RIPOR2: variants seen among roughly 807,000 people sequenced by gnomAD.
RIPOR2 encodes the protein rho family-interacting cell polarization regulator 2.
RIPOR2 carries 39 observed loss-of-function variants against 114.5 expected under a neutral mutation model. The observed-to-expected ratio is 0.34, with a 90% confidence interval of 0.26 to 0.44. The LOEUF is 0.44. RIPOR2 is among the 20% of genes least tolerant of loss of function. RIPOR2 has a pLI of 1.00. For missense variants in RIPOR2, 1,007 were observed against 1,255.1 expected, an observed-to-expected ratio of 0.80 and a Z score of 2.99; for synonymous variants, 445 against 484.4, an observed-to-expected ratio of 0.92 and a Z score of 1.07.
At chr6:24,995,827 A>C (rs1299944095) in intron 1 of RIPOR2, among the ~76,000 whole-genome samples, 1 of 140,456 alleles carries the variant, frequency 7.1e-6, no homozygotes, top group African/African-American at 2.7e-5. Context: ...TTTGAGATGG[A>C]ATCTCGCTCT....
chr6:24,981,016 C>T (rs758706780), intron 1 of RIPOR2, among the ~76,000 whole-genome samples: 4 of 152,186 alleles, frequency 2.6e-5, no homozygotes, highest in Non-Finnish European at 4.4e-5. Flanking sequence ...GTAGGAGATG[C>T]AAAAACAAGG....
intron 1 of RIPOR2, among the ~76,000 whole-genome samples, chr6:24,942,884 G>A (rs1230299504): frequency 6.6e-6 from 1 of 152,164 alleles, no homozygotes; most frequent in Non-Finnish European, 1.5e-5. Flanking sequence ...TCTGATGGTA[G>A]TTTCTTTTGC....
intron 1 of RIPOR2, among the ~76,000 whole-genome samples, chr6:24,932,854 G>A (rs1771507989): frequency 6.6e-6 from 1 of 152,200 alleles, no homozygotes; most frequent in African/African-American, 2.4e-5. Flanking sequence ...GCTTAGGCAT[G>A]TTAAGTGAGC....
intron 13 of RIPOR2, chr6:24,840,582 A>G: frequency 6.7e-7 from 1 of 1,486,110 alleles, no homozygotes; most frequent in Non-Finnish European, 8.9e-7. Context: ...CAGTTAGGTG[A>G]CACTCCTTGC....
intron 1 of RIPOR2, among the ~76,000 whole-genome samples, chr6:25,031,563 A>C (rs938402504): frequency 2.0e-5 from 3 of 149,874 alleles, no homozygotes; most frequent in Admixed American, 6.7e-5. Context: ...ACTGATATAT[A>C]TATATATATA....
chr6:24,994,263 A>G (rs4712875), intron 1 of RIPOR2, among the ~76,000 whole-genome samples: 151,745 of 152,274 alleles, frequency 1, 75,611 homozygotes, highest in East Asian at 1. Flanking sequence ...GGATGTTAAG[A>G]AGAGAGAAGA....
intron 1 of RIPOR2, among the ~76,000 whole-genome samples, chr6:24,899,747 CT>C (rs750589428): frequency 2.6e-5 from 4 of 152,160 alleles, no homozygotes; most frequent in Non-Finnish European, 5.9e-5. Flanking sequence ...GGAATGATTC[CT>C]TTTTTCTCTC....
intron 19 of RIPOR2, among the ~76,000 whole-genome samples, chr6:24,821,708 CA>C (rs1759713759): frequency 1.3e-5 from 2 of 152,146 alleles, no homozygotes; most frequent in African/African-American, 4.8e-5. Context: ...AGCCTCAATC[CA>C]CAAGTGGGCA....
chr6:25,007,232 C>T (rs1357097574), intron 1 of RIPOR2, among the ~76,000 whole-genome samples: 1 of 152,096 alleles, frequency 6.6e-6, no homozygotes. Flanking sequence ...TGAACAGAGG[C>T]TATTCTGTGT....
intron 6 of RIPOR2, among the ~76,000 whole-genome samples, chr6:24,868,328 T>C (rs1460206478): frequency 6.6e-6 from 1 of 152,158 alleles, no homozygotes; most frequent in Non-Finnish European, 1.5e-5. Context: ...GAATAGAACC[T>C]AGGGCTTCTG....
chr6:24,866,748 C>T (rs925619394), intron 6 of RIPOR2, among the ~76,000 whole-genome samples: 11 of 152,084 alleles, frequency 7.2e-5, no homozygotes, highest in South Asian at 4.2e-4. Flanking sequence ...AATTTTCAGG[C>T]GGATAACAAA....
Position 24,825,564 on chromosome 6 carries a change from A to C in RIPOR2, c.2666-136T>G. On this transcript the variant is annotated intron_variant, in intron 18 of 21. Transcript: ENST00000643898. ...AATACATATGAAAAATTAGCATCTGATAAAGATGGTATTTCAGATTGGTGA... is the reference window on the plus strand; with the variant it reads ...AATACATATGAAAAATTAGCATCTGCTAAAGATGGTATTTCAGATTGGTGA... The C allele has an allele frequency of 3.1e-6, 2 of 646,254 alleles. 1 individual carries two copies. Among genetic ancestry groups the C allele is most frequent in the Middle Eastern group, 5.8e-4 (2 of 3,466 alleles). 40.0% of individuals were successfully genotyped at this position (646,254 alleles called of 1,614,324 possible).
chr6:25,032,369 C>G (rs1777031378), intron 1 of RIPOR2, among the ~76,000 whole-genome samples: 1 of 152,102 alleles, frequency 6.6e-6, no homozygotes, highest in Admixed American at 6.5e-5. Flanking sequence ...GTGCCTCTTT[C>G]CATCCCACCC....
At chr6:24,951,462 A>G (rs1008327065) in intron 1 of RIPOR2, among the ~76,000 whole-genome samples, 1 of 152,210 alleles carries the variant, frequency 6.6e-6, no homozygotes, top group Non-Finnish European at 1.5e-5. Context: ...TTTTGTTGAC[A>G]AAGATAAGAC....
intron 1 of RIPOR2, among the ~76,000 whole-genome samples, chr6:24,895,203 C>T (rs2113986548): frequency 6.6e-6 from 1 of 152,300 alleles, no homozygotes. Context: ...CAGGCACACC[C>T]CACCATGCCC....
intron 1 of RIPOR2, among the ~76,000 whole-genome samples, chr6:24,949,807 CCCTGGGTGCTATAGCCCACCA>C (rs68041572): frequency 0.31 from 47,077 of 152,114 alleles, 8,109 homozygotes; most frequent in Non-Finnish European, 0.39. Context: ...CAGGGAAAGC[CCCTGGGTGCTATAGCCCACCA>C]CCTGGAAGGG....
intron 1 of RIPOR2, among the ~76,000 whole-genome samples, chr6:24,924,452 T>C (rs922455526): frequency 6.6e-6 from 1 of 152,144 alleles, no homozygotes; most frequent in Non-Finnish European, 1.5e-5. Context: ...CTGTGTGCTA[T>C]CTTCTTTCAC....
intron 19 of RIPOR2, among the ~76,000 whole-genome samples, chr6:24,823,385 A>G (rs1426634309): frequency 6.6e-6 from 1 of 152,240 alleles, no homozygotes; most frequent in Admixed American, 6.5e-5. Context: ...TTCCTAATCC[A>G]TAAAGTGGGA....
At chr6:25,032,806 T>C (rs545579591) in intron 1 of RIPOR2, among the ~76,000 whole-genome samples, 1 of 152,370 alleles carries the variant, frequency 6.6e-6, no homozygotes, top group East Asian at 1.9e-4. Context: ...TCTACAAGCT[T>C]TCATTTGGAT....
Sources: allele counts gnomAD v4.1 joint callset (sites outside exome capture counted in the v4.1 genomes callset), GRCh38; gene constraint gnomAD v4.1.1; transcripts MANE v1.5; gene names NCBI Gene and HGNC (gene_info 2026-07-23, HGNC 2026-07-21).